IL1RAPL1: variants seen among roughly 807,000 people sequenced by gnomAD.
The protein encoded by IL1RAPL1 is interleukin-1 receptor accessory protein-like 1.
Under a neutral mutation model 48.4 loss-of-function variants are expected in IL1RAPL1, and 3 were observed. That is an observed-to-expected ratio of 0.06 (90% CI 0.03 to 0.16). The LOEUF is 0.16. Ranked by LOEUF, IL1RAPL1 falls within the 10% of genes least tolerant of loss-of-function variation. The pLI is 1.00. For synonymous variants in IL1RAPL1, 185 were observed against 187.7 expected (o/e 0.99, Z 0.12); for missense variants, 349 against 530.6 (o/e 0.66, Z 3.36).
chrX:29,130,188 A>G (rs1023820657), intron 2 of IL1RAPL1, among the ~76,000 whole-genome samples: 1 of 112,061 alleles, frequency 8.9e-6, no homozygotes, highest in African/African-American at 3.2e-5. Flanking sequence ...TAAGGTATTA[A>G]TTACCCAGAA....
At chrX:29,048,250 A>G (rs1340422873) in intron 2 of IL1RAPL1, among the ~76,000 whole-genome samples, 1 of 112,350 alleles carries the variant, frequency 8.9e-6, no homozygotes, top group Non-Finnish European at 1.9e-5. Context: ...ATCCAAGATA[A>G]GTTTTTGAAT....
At chrX:29,306,415 G>T (rs1932619158) in intron 3 of IL1RAPL1, among the ~76,000 whole-genome samples, 1 of 106,383 alleles carries the variant, frequency 9.4e-6, no homozygotes, top group Non-Finnish European at 1.9e-5. Flanking sequence ...TGTAATCCCA[G>T]CTACTCGGGA....
chrX:29,669,131 G>C (rs1008527392), intron 6 of IL1RAPL1, among the ~76,000 whole-genome samples: 1 of 110,977 alleles, frequency 9.0e-6, no homozygotes, highest in African/African-American at 3.3e-5. Context: ...TAGAAATTTT[G>C]AGTTTGATTT....
intron 2 of IL1RAPL1, among the ~76,000 whole-genome samples, chrX:28,844,625 C>T (rs1006985660): frequency 2.7e-5 from 3 of 110,479 alleles, no homozygotes; most frequent in African/African-American, 9.9e-5. Flanking sequence ...TATTGTTATT[C>T]CTCTAAGAAG....
chrX:28,974,056 A>C (rs1925147506), intron 2 of IL1RAPL1, among the ~76,000 whole-genome samples: 1 of 111,684 alleles, frequency 9.0e-6, no homozygotes, highest in African/African-American at 3.3e-5. Flanking sequence ...TTGCTCAAAC[A>C]AATTTCTTAA....
intron 6 of IL1RAPL1, among the ~76,000 whole-genome samples, chrX:29,839,947 A>G (rs1361220960): frequency 9.0e-6 from 1 of 111,458 alleles, no homozygotes; most frequent in East Asian, 2.8e-4. Context: ...AAACAAATGA[A>G]AACAAAACAA....
intron 5 of IL1RAPL1, among the ~76,000 whole-genome samples, chrX:29,524,911 T>C (rs1269392531): frequency 1.8e-5 from 2 of 112,264 alleles, no homozygotes; most frequent in Non-Finnish European, 3.8e-5. Context: ...TGTACCTTTA[T>C]AGAGATTCCA....
chrX:29,532,295 G>A (rs769898978), intron 5 of IL1RAPL1, among the ~76,000 whole-genome samples: 1 of 111,986 alleles, frequency 8.9e-6, no homozygotes, highest in Non-Finnish European at 1.9e-5. Flanking sequence ...GTGAGCTAAG[G>A]TTGGGAGGAA....
intron 2 of IL1RAPL1, among the ~76,000 whole-genome samples, chrX:29,100,941 C>G (rs1422350286): frequency 9.0e-6 from 1 of 111,459 alleles, no homozygotes; most frequent in Non-Finnish European, 1.9e-5. Flanking sequence ...CACATGCATC[C>G]TTTTATATGT....
At chrX:29,494,435 C>T (rs768837728) in intron 5 of IL1RAPL1, among the ~76,000 whole-genome samples, 1 of 111,795 alleles carries the variant, frequency 8.9e-6, no homozygotes, top group African/African-American at 3.3e-5. Flanking sequence ...CTGGACATTT[C>T]CTTAGGTTTT....
intron 2 of IL1RAPL1, among the ~76,000 whole-genome samples, chrX:28,961,070 G>T (rs918548528): frequency 1.0e-5 from 1 of 100,412 alleles, no homozygotes; most frequent in African/African-American, 3.7e-5. Context: ...TTATGAAATC[G>T]GGATAAATAT....
intron 5 of IL1RAPL1, among the ~76,000 whole-genome samples, chrX:29,406,501 A>T (rs1220702442): frequency 1.8e-5 from 2 of 111,335 alleles, no homozygotes; most frequent in Non-Finnish European, 3.8e-5. Context: ...CTCCATACAG[A>T]TCTCACACTC....
At chrX:29,460,259 G>A (rs1039953012) in intron 5 of IL1RAPL1, among the ~76,000 whole-genome samples, 10 of 112,084 alleles carry the variant, frequency 8.9e-5, no homozygotes, top group African/African-American at 3.2e-4. Flanking sequence ...TGGCCTCTAT[G>A]AATTTTTAAG....
At chrX:29,638,909 A>G (rs1181629486) in intron 5 of IL1RAPL1, among the ~76,000 whole-genome samples, 1 of 112,409 alleles carries the variant, frequency 8.9e-6, no homozygotes, top group African/African-American at 3.2e-5. Flanking sequence ...TTTTAAGGCC[A>G]GGCGCGGTGG....
intron 2 of IL1RAPL1, among the ~76,000 whole-genome samples, chrX:29,087,750 T>C (rs1319247702): frequency 3.6e-5 from 4 of 112,490 alleles, no homozygotes; most frequent in African/African-American, 9.7e-5. Flanking sequence ...AAAGTCTTCA[T>C]AGGCTGAGCT....
intron 1 of IL1RAPL1, among the ~76,000 whole-genome samples, chrX:28,684,573 G>GA (rs1185448651): frequency 9.7e-4 from 109 of 111,821 alleles, no homozygotes; most frequent in Middle Eastern, 4.7e-3. Context: ...TTTCTATTCA[G>GA]AAAAAAACAA....
At chrX:29,774,250 G>A (rs750653921) in intron 6 of IL1RAPL1, among the ~76,000 whole-genome samples, 8 of 109,091 alleles carry the variant, frequency 7.3e-5, no homozygotes, top group African/African-American at 2.7e-4. Context: ...CCAGAAAGAA[G>A]TGTACTTACA....
chrX:29,950,708 G>T (rs1391994406), intron 9 of IL1RAPL1, among the ~76,000 whole-genome samples: 2 of 99,081 alleles, frequency 2.0e-5, no homozygotes, highest in East Asian at 3.1e-4. Flanking sequence ...ACAGAGTCTC[G>T]CTCTGTCACC....
At chrX:28,742,931 A>G (rs748080420) in intron 1 of IL1RAPL1, among the ~76,000 whole-genome samples, 2 of 111,985 alleles carry the variant, frequency 1.8e-5, no homozygotes, top group South Asian at 7.4e-4. Flanking sequence ...TAACATGGAT[A>G]TAGTAATCTG....
Sources: allele counts gnomAD v4.1 joint callset (sites outside exome capture counted in the v4.1 genomes callset), GRCh38; gene constraint gnomAD v4.1.1; transcripts MANE v1.5; gene names NCBI Gene and HGNC (gene_info 2026-07-23, HGNC 2026-07-21).